RNF212B: variants seen among roughly 807,000 people sequenced by gnomAD.
RNF212B encodes E3 ubiquitin-protein ligase RNF212B.
RNF212B carries 52 observed loss-of-function variants against 55.5 expected under a neutral mutation model. That is an observed-to-expected ratio of 0.94 (90% CI 0.75 to 1.18). RNF212B has a LOEUF of 1.18. Among genes scored for constraint, RNF212B ranks in the 50% most tolerant of loss-of-function variants. The pLI is 0.00. For missense variants in RNF212B, 289 were observed against 350.4 expected (o/e 0.82, Z 1.40); for synonymous variants, 99 against 121.4 (o/e 0.82, Z 1.21).
rs200514077 is a variant in RNF212B, at chr14:23,248,303, T to TG, written c.228+3907_228+3908insG. Among the ~76,000 whole-genome samples, 668 of 129,388 alleles carry TG rather than the reference T, an allele frequency of 5.2e-3. 2 individuals are homozygous for TG. Among genetic ancestry groups the TG allele is most frequent in the African/African-American group, 0.016 (607 of 37,436 alleles). The allele number at this position is 129,388 out of a possible 152,430, so 84.9% of individuals were successfully genotyped here. The stretch of plus-strand genomic sequence containing the variant: ...TCACCACACCTGGCTAGTTTTTGTG[T>TG]TTTTTTTTTTTTAATAGATACAGGG... On this transcript the variant is annotated intron_variant, in intron 4 of 14. Transcript: ENST00000430154.
At position 23,214,990 on chromosome 14, in the gene RNF212B, T is replaced by C. The variant is rs369128323; in HGVS notation, c.-2+21589T>C. Among the ~76,000 whole-genome samples, 5 of 152,322 alleles carry C rather than the reference T, an allele frequency of 3.3e-5. No homozygotes were observed. The East Asian group carries it at 9.6e-4, about 29-fold the overall frequency. ...AGTCTTGATAGCTAGAGAGGAATGA[T>C]ACATTACTGATATGATTTGGCTCTG... On this transcript the variant is annotated intron_variant, in intron 2 of 15. Coordinates refer to the RNF212B transcript ENST00000399910.
At chr14:23,253,253 G>A (rs928536164) in intron 4 of RNF212B, among the ~76,000 whole-genome samples, 11 of 151,996 alleles carry the variant, frequency 7.2e-5, no homozygotes, top group Non-Finnish European at 1.3e-4. Flanking sequence ...TTCTCCAGTT[G>A]TCTCAGTTTT....
chr14:23,246,909 G>A (rs567041537), intron 4 of RNF212B, among the ~76,000 whole-genome samples: 32 of 152,278 alleles, frequency 2.1e-4, no homozygotes, highest in Non-Finnish European at 4.3e-4. Flanking sequence ...TGAAGGCCAC[G>A]GTGGGTGGAT....
At chr14:23,232,294 A>AGG (rs1882705189) in intron 2 of RNF212B, among the ~76,000 whole-genome samples, 1 of 123,992 alleles carries the variant, frequency 8.1e-6, no homozygotes, top group Non-Finnish European at 1.7e-5. Context: ...GCCCGGCCGC[A>AGG]ACCCCATCTG....
At chr14:23,237,430 A>C (rs897922231), upstream of RNF212B, among the ~76,000 whole-genome samples, 2 of 152,186 alleles carry the variant, frequency 1.3e-5, no homozygotes, top group African/African-American at 4.8e-5. Flanking sequence ...GCCCCTGGCC[A>C]AAAATTTCTG....
chr14:23,204,335 C>A (rs972350902), intron 2 of RNF212B, among the ~76,000 whole-genome samples: 4 of 152,202 alleles, frequency 2.6e-5, no homozygotes, highest in Non-Finnish European at 5.9e-5. Context: ...CCAAAATTAT[C>A]TTCTAGAGTT....
upstream of RNF212B, among the ~76,000 whole-genome samples, chr14:23,233,494 G>A (rs1336904979): frequency 6.7e-6 from 1 of 148,678 alleles, no homozygotes; most frequent in Non-Finnish European, 1.5e-5. Flanking sequence ...AGGAGGCTGA[G>A]GTGGGAGGAT....
intron 1 of RNF212B, among the ~76,000 whole-genome samples, chr14:23,193,169 A>G (rs997245170): frequency 1.3e-5 from 2 of 151,860 alleles, no homozygotes; most frequent in Admixed American, 1.3e-4. Flanking sequence ...CTATTATAGA[A>G]GTTTAAATGG....
At chr14:23,270,012 T>C (rs1465870813) in intron 13 of RNF212B, 52 bp downstream of exon 13, 5 of 974,282 alleles carry the variant, frequency 5.1e-6, no homozygotes, top group South Asian at 2.8e-5. Flanking sequence ...TAGACACATA[T>C]ACTAAAATGA....
chr14:23,232,786 G>GA (rs1443978533), intron 2 of RNF212B, among the ~76,000 whole-genome samples: 1 of 124,170 alleles, frequency 8.1e-6, no homozygotes, highest in African/African-American at 4.0e-5. Flanking sequence ...GAGGGAGGTG[G>GA]GGGGGGGGTC....
chr14:23,234,045 T>C (rs1308928142), upstream of RNF212B, among the ~76,000 whole-genome samples: 2 of 152,104 alleles, frequency 1.3e-5, no homozygotes, highest in Non-Finnish European at 2.9e-5. Flanking sequence ...TGCAGTGAGC[T>C]GAGATAGTAC....
At chr14:23,230,380 C>A (rs931954172) in intron 2 of RNF212B, among the ~76,000 whole-genome samples, 3 of 152,024 alleles carry the variant, frequency 2.0e-5, no homozygotes, top group African/African-American at 7.2e-5. Flanking sequence ...GCCGGCCGGG[C>A]GCGGTGGCTC....
chr14:23,198,674 A>G (rs77740723), intron 2 of RNF212B, among the ~76,000 whole-genome samples: 14 of 147,968 alleles, frequency 9.5e-5, no homozygotes, highest in Non-Finnish European at 1.5e-4. Context: ...CTCTGTCCAA[A>G]AAAAAAAAAA....
At chr14:23,257,160 C>CA (rs1257862195) in intron 4 of RNF212B, among the ~76,000 whole-genome samples, 4 of 151,004 alleles carry the variant, frequency 2.6e-5, no homozygotes, top group South Asian at 2.1e-4. Context: ...CACACACACA[C>CA]AAAAAAAATA....
At chr14:23,226,455 C>A (rs558488688) in intron 2 of RNF212B, among the ~76,000 whole-genome samples, 1 of 151,834 alleles carries the variant, frequency 6.6e-6, no homozygotes, top group African/African-American at 2.4e-5. Flanking sequence ...ACGGTGGAAC[C>A]CCATCTCTAC....
chr14:23,259,643 A>AT (rs1885154796), intron 5 of RNF212B: 1 of 304,626 alleles, frequency 3.3e-6, no homozygotes, highest in Non-Finnish European at 6.1e-6. Flanking sequence ...AGGAAATGGA[A>AT]TTCTTTGCAA....
intron 7 of RNF212B, among the ~76,000 whole-genome samples, chr14:23,260,920 T>C (rs1339494949): frequency 6.6e-6 from 1 of 152,206 alleles, no homozygotes; most frequent in Non-Finnish European, 1.5e-5. Flanking sequence ...CCTGGTGCCA[T>C]AAAGAAATAG....
Position 23,271,577 on chromosome 14 carries a change from G to T in RNF212B, c.834+916G>T, listed in dbSNP as rs1175044380. Among the ~76,000 whole-genome samples, 3 of 151,904 alleles carry T rather than the reference G, an allele frequency of 2.0e-5. No homozygotes were observed. In the East Asian group the frequency reaches 5.8e-4, roughly 29 times the overall value. ...CAAGCTCCTGGTGTCCCTAGGCACA[G>T]TTCCTTCATACTAAGATAAGTATAT... On this transcript the variant is annotated intron_variant, in intron 14 of 14. Coordinates refer to ENST00000430154, the MANE Select transcript of RNF212B (RefSeq NM_001282322.3).
chr14:23,203,989 G>A (rs941016353), intron 2 of RNF212B, among the ~76,000 whole-genome samples: 2 of 152,188 alleles, frequency 1.3e-5, no homozygotes, highest in Admixed American at 1.3e-4. Context: ...TAGTGATGCT[G>A]AGCATACGTT....
Sources: gnomAD v4.1 joint callset for allele counts (sites outside exome capture counted in the v4.1 genomes callset) on GRCh38, gnomAD v4.1.1 for gene constraint, MANE v1.5 for transcripts, NCBI Gene and HGNC (gene_info 2026-07-23, HGNC 2026-07-21) for gene names.